The following PPP2R5C variants were observed in gnomAD, a reference collection of about 807,000 sequenced individuals.
PPP2R5C encodes serine/threonine-protein phosphatase 2A 56 kDa regulatory subunit gamma isoform.
In PPP2R5C, 7 loss-of-function variants were observed where a neutral mutation model predicts 68.9. The observed-to-expected ratio is 0.10, with a 90% CI of 0.06 to 0.19. The LOEUF (loss-of-function observed/expected upper bound fraction) is 0.19. Among genes scored for constraint, PPP2R5C ranks in the 10% least tolerant of loss-of-function variants. The pLI is 1.00. For synonymous variants in PPP2R5C, 210 were observed against 222.2 expected (o/e 0.95, Z 0.49); for missense variants, 348 against 641.3 (o/e 0.54, Z 4.94).
At chr14:101,924,530 C>T (rs2047193625) in intron 13 of PPP2R5C, among the ~76,000 whole-genome samples, 1 of 148,056 alleles carries the variant, frequency 6.8e-6, no homozygotes, top group Non-Finnish European at 1.5e-5. Flanking sequence ...GCAACCTCCA[C>T]CTCACGGGTT....
intron 11 of PPP2R5C, among the ~76,000 whole-genome samples, 160 bp from the exon 14 acceptor site, chr14:101,912,241 G>A (rs1357413375): frequency 1.3e-5 from 2 of 152,152 alleles, no homozygotes; most frequent in South Asian, 2.1e-4. Flanking sequence ...ATCTCAGTTC[G>A]TTTTTCATGC....
intron 1 of PPP2R5C, among the ~76,000 whole-genome samples, chr14:101,855,006 C>T (rs914343535): frequency 6.6e-6 from 1 of 152,068 alleles, no homozygotes; most frequent in Non-Finnish European, 1.5e-5. Context: ...CCCGTCTCTA[C>T]TAAAAATACG....
chr14:101,872,394 T>C (rs761071173), intron 2 of PPP2R5C, among the ~76,000 whole-genome samples: 41 of 151,880 alleles, frequency 2.7e-4, no homozygotes, highest in Non-Finnish European at 4.6e-4. Context: ...CATGCCACCA[T>C]GTCCAGCTAA....
intron 10 of PPP2R5C, among the ~76,000 whole-genome samples, chr14:101,907,681 G>A (rs1213762854): frequency 1.3e-5 from 2 of 152,168 alleles, no homozygotes; most frequent in East Asian, 1.9e-4. Flanking sequence ...CCCAGTCTGC[G>A]GTCCCAAAGC....
At chr14:101,860,477 A>G (rs1374651883) in intron 2 of PPP2R5C, among the ~76,000 whole-genome samples, 1 of 152,216 alleles carries the variant, frequency 6.6e-6, no homozygotes, top group South Asian at 2.1e-4. Context: ...GGGGGCTGTT[A>G]TGAATGACTG....
chr14:101,912,250 G>T (rs1030966944), intron 11 of PPP2R5C, 151 bp from the exon 14 acceptor site: 5 of 483,194 alleles, frequency 1.0e-5, no homozygotes, highest in Non-Finnish European at 1.8e-5. Flanking sequence ...CGTTTTTCAT[G>T]CTGTGCTCAG....
At chr14:101,823,923 C>T (rs1595274343) in intron 1 of PPP2R5C, 1 of 1,280,486 alleles carries the variant, frequency 7.8e-7, no homozygotes, top group Non-Finnish European at 1.0e-6. Context: ...ACAAGAGATG[C>T]AGATTCTGGG....
intron 1 of PPP2R5C, among the ~76,000 whole-genome samples, chr14:101,844,731 A>T (rs2140453502): frequency 6.6e-6 from 1 of 152,326 alleles, no homozygotes; most frequent in Middle Eastern, 3.4e-3. Flanking sequence ...GCTGGTAAAC[A>T]TATTGAAGGT....
Position 101,840,292 on chromosome 14 carries a change from C to G in PPP2R5C, c.95-16394C>G, listed in dbSNP as rs548106510. 2.3e-4 allele frequency among the ~76,000 whole-genome samples: 35 copies of G among 152,124 alleles called. No homozygotes were observed. The South Asian group carries it at 7.3e-3, about 32-fold the overall frequency. Reference sequence around the variant, plus strand: ...CAAGTTCCTGAAAGAAGCATTCTCTCATAGTCTCAAAAGAGTCAGAAAGAA... The same window carrying G: ...CAAGTTCCTGAAAGAAGCATTCTCTGATAGTCTCAAAAGAGTCAGAAAGAA... On this transcript the variant is annotated intron_variant, in intron 1 of 13. Coordinates refer to ENST00000334743, the Ensembl canonical transcript of PPP2R5C.
exon 11 of PPP2R5C, chr14:101,909,650 T>C (rs749146704): frequency 6.2e-7 from 1 of 1,611,160 alleles, no homozygotes; most frequent in Non-Finnish European, 8.5e-7. Flanking sequence ...CCAAAAGCTA[T>C]TTGATGACTG....
intron 2 of PPP2R5C, among the ~76,000 whole-genome samples, chr14:101,871,775 A>G (rs2476521): frequency 0.049 from 7,457 of 151,990 alleles, 227 homozygotes; most frequent in South Asian, 0.1. Flanking sequence ...TGATAACTCC[A>G]TATTGTTTGA....
chr14:101,815,516 C>T (rs1372528377), intron 1 of PPP2R5C, among the ~76,000 whole-genome samples: 1 of 152,114 alleles, frequency 6.6e-6, no homozygotes, highest in Non-Finnish European at 1.5e-5. Context: ...TGTTGACTTA[C>T]CTCCTCCACA....
At chr14:101,838,204 G>GC (rs2041240251) in intron 1 of PPP2R5C, among the ~76,000 whole-genome samples, 1 of 152,220 alleles carries the variant, frequency 6.6e-6, no homozygotes, top group Non-Finnish European at 1.5e-5. Context: ...TTGGAAGGGG[G>GC]CAGACAGCGA....
At chr14:101,901,957 C>T (rs1028326909) in intron 9 of PPP2R5C, 68 bp downstream of exon 11, 45 of 1,516,716 alleles carry the variant, frequency 3.0e-5, no homozygotes, top group Non-Finnish European at 4.0e-5. Flanking sequence ...AAGTTCCATG[C>T]GTAGCTGGCC....
upstream of PPP2R5C, among the ~76,000 whole-genome samples, chr14:101,806,962 CA>C (rs567285656): frequency 3.9e-5 from 6 of 151,986 alleles, no homozygotes; most frequent in African/African-American, 1.4e-4. Context: ...ACCCTGCCTC[CA>C]AAAAAACAAA....
At chr14:101,795,415 A>T (rs1050906667) in intron 3 of PPP2R5C, among the ~76,000 whole-genome samples, 7 of 152,224 alleles carry the variant, frequency 4.6e-5, no homozygotes, top group Admixed American at 3.9e-4. Context: ...GTGAGGTTGA[A>T]TATAGCCCTC....
intron 1 of PPP2R5C, chr14:101,810,100 G>A (rs1643817816): frequency 7.0e-7 from 1 of 1,433,656 alleles, no homozygotes; most frequent in Non-Finnish European, 9.8e-7. Context: ...TGGCTATTGT[G>A]CTTCAGATAA....
chr14:101,808,240 G>A (rs549636774), upstream of PPP2R5C, among the ~76,000 whole-genome samples: 2 of 151,874 alleles, frequency 1.3e-5, no homozygotes, highest in South Asian at 4.2e-4. Context: ...GGGCAGCTAA[G>A]ATCTAAATTC....
intron 1 of PPP2R5C, among the ~76,000 whole-genome samples, chr14:101,821,259 A>G (rs1382787717): frequency 6.6e-6 from 1 of 151,994 alleles, no homozygotes; most frequent in Non-Finnish European, 1.5e-5. Flanking sequence ...TTTAAAAGCC[A>G]TTTTCAAGTA....
Sources: allele counts gnomAD v4.1 joint callset (sites outside exome capture counted in the v4.1 genomes callset), GRCh38; gene constraint gnomAD v4.1.1; transcripts MANE v1.5; gene names NCBI Gene and HGNC (gene_info 2026-07-23, HGNC 2026-07-21).